Variants in GRIK1 observed in about 807,000 individuals in gnomAD.
GRIK1 encodes glutamate ionotropic receptor kainate type subunit 1, also known as glutamate receptor ionotropic, kainate 1.
Under a neutral mutation model 105.7 loss-of-function variants are expected in GRIK1, and 69 were observed. The observed-to-expected ratio is 0.65, with a 90% CI of 0.54 to 0.80. The LOEUF (loss-of-function observed/expected upper bound fraction) is 0.80, where lower values mean the gene tolerates loss of function less well. Ranked by LOEUF, GRIK1 falls within the 30% of genes least tolerant of loss-of-function variation. The pLI is 0.00. For synonymous variants in GRIK1, 438 were observed against 431.3 expected (o/e 1.02, Z -0.19); for missense variants, 1,109 against 1,167.3 (o/e 0.95, Z 0.73).
rs146988243 is a variant in GRIK1, at chr21:29,547,831, C to T, written c.2607+7221G>A. On this transcript the variant is annotated intron_variant, in intron 16 of 17. Coordinates refer to ENST00000327783, the MANE Select transcript of GRIK1 (RefSeq NM_001330994.2). ...CAAATCACTTGCTAAATAAGTTGATCCGACTCCAGAGAAATAGAACTGAAG... is the reference window on the plus strand; with the variant it reads ...CAAATCACTTGCTAAATAAGTTGATTCGACTCCAGAGAAATAGAACTGAAG... 2.3e-3 allele frequency among the ~76,000 whole-genome samples: 355 copies of T among 152,226 alleles called. 1 individual carries two copies. Among genetic ancestry groups the T allele is most frequent in the African/African-American group, 8.3e-3 (344 of 41,536 alleles).
intron 1 of GRIK1, among the ~76,000 whole-genome samples, chr21:29,893,915 C>T (rs896976972): frequency 1.7e-4 from 26 of 152,110 alleles, no homozygotes; most frequent in Non-Finnish European, 3.2e-4. Context: ...GTCAGCAAAC[C>T]CTTCAGGGAG....
chr21:29,779,729 G>A (rs367988), intron 1 of GRIK1, among the ~76,000 whole-genome samples: 5 of 152,002 alleles, frequency 3.3e-5, no homozygotes, highest in Non-Finnish European at 5.9e-5. Context: ...AGCAACATTA[G>A]CTAGGCTCCA....
intron 1 of GRIK1, among the ~76,000 whole-genome samples, chr21:29,898,940 C>T (rs1453684166): frequency 6.6e-6 from 1 of 151,622 alleles, no homozygotes; most frequent in African/African-American, 2.4e-5. Flanking sequence ...TCATTGCACT[C>T]CAGCCTGGGC....
At chr21:29,712,058 G>T in intron 1 of GRIK1, among the ~76,000 whole-genome samples, 1 of 120,812 alleles carries the variant, frequency 8.3e-6, no homozygotes, top group East Asian at 2.4e-4. Flanking sequence ...GTGTGTATAC[G>T]TATATAAGTA....
intron 7 of GRIK1, among the ~76,000 whole-genome samples, chr21:29,618,674 A>G (rs1255649780): frequency 6.6e-6 from 1 of 152,230 alleles, no homozygotes; most frequent in Non-Finnish European, 1.5e-5. Context: ...ATGGAATACT[A>G]CTCAGCCATA....
chr21:29,826,033 A>G (rs1453551339), intron 1 of GRIK1, among the ~76,000 whole-genome samples: 1 of 152,118 alleles, frequency 6.6e-6, no homozygotes, highest in Non-Finnish European at 1.5e-5. Context: ...AGGTAGTGAC[A>G]TGGGATAATG....
intron 15 of GRIK1, among the ~76,000 whole-genome samples, chr21:29,560,333 TTCTTTCTTTCTTTCTTTCTTTCTTTTTC>T (rs1190362192): frequency 2.9e-4 from 35 of 121,616 alleles, no homozygotes; most frequent in African/African-American, 1.1e-3. Flanking sequence ...CTTTCTTTCT[TTCTTTCTTTCTTTCTTTCTTTCTTTTTC>T]TTTCTTCCTT....
chr21:29,655,969 T>C (rs973444162), intron 4 of GRIK1, among the ~76,000 whole-genome samples: 1 of 152,194 alleles, frequency 6.6e-6, no homozygotes, highest in Non-Finnish European at 1.5e-5. Context: ...GAGACAATTC[T>C]TTCTAAATAT....
intron 1 of GRIK1, among the ~76,000 whole-genome samples, chr21:29,829,914 C>T (rs1052702175): frequency 4.6e-5 from 7 of 152,160 alleles, no homozygotes; most frequent in African/African-American, 1.4e-4. Flanking sequence ...AATTGGTTCT[C>T]CAGCTTCCAC....
chr21:29,597,727 A>G, intron 8 of GRIK1: 1 of 381,500 alleles, frequency 2.6e-6, no homozygotes, highest in Non-Finnish European at 5.6e-6. Context: ...GTGTACTCTC[A>G]AAACTGCAAA....
chr21:29,588,931 T>C lies in GRIK1; in HGVS notation c.1477A>G (p.Ile493Val). ...LKELSNILGFIYDVKLVPDGK... is the reference protein window; with the variant it reads ...LKELSNILGFVYDVKLVPDGK... Reference sequence around the variant, plus strand: ...TCGGGAACTAGTTTAACATCATAAATGAAACCCAGGATGTTTGACAATTCT... The same window carrying C: ...TCGGGAACTAGTTTAACATCATAAACGAAACCCAGGATGTTTGACAATTCT... The change falls in exon 11 of 18, where the codon ATT (isoleucine) becomes GTT (valine). Residue 493 changes from isoleucine to valine, a missense_variant. Ile to Val is a conservative substitution (Grantham distance 29). This residue lies in a region of GRIK1 where 54 missense variants were observed against 88.1 expected (regional missense o/e 0.61). Transcript: ENST00000327783. 1 of 1,606,838 alleles carries C rather than the reference T, an allele frequency of 6.2e-7. No homozygotes were observed. Among genetic ancestry groups the C allele is most frequent in the Non-Finnish European group, 8.5e-7 (1 of 1,173,360 alleles).
intron 1 of GRIK1, among the ~76,000 whole-genome samples, chr21:29,768,350 T>C (rs893942868): frequency 2.6e-5 from 4 of 152,158 alleles, no homozygotes; most frequent in Non-Finnish European, 4.4e-5. Flanking sequence ...GCCAAGGCTT[T>C]TGTGCGAGTC....
At chr21:29,871,961 G>T (rs113369839) in intron 1 of GRIK1, among the ~76,000 whole-genome samples, 24 of 151,232 alleles carry the variant, frequency 1.6e-4, no homozygotes, top group African/African-American at 5.1e-4. Context: ...AGTGGGTTTC[G>T]CCTTGTTGCC....
intron 1 of GRIK1, among the ~76,000 whole-genome samples, chr21:29,724,555 G>T (rs1214476101): frequency 2.0e-5 from 3 of 152,176 alleles, no homozygotes; most frequent in African/African-American, 7.2e-5. Flanking sequence ...AAGCCAAACG[G>T]ATTCTACAAC....
chr21:29,746,765 T>C (rs546797086), intron 1 of GRIK1, among the ~76,000 whole-genome samples: 1 of 152,300 alleles, frequency 6.6e-6, no homozygotes, highest in East Asian at 1.9e-4. Context: ...AACCAGAGAA[T>C]TGCCAATTGA....
chr21:29,879,930 T>G (rs555797741), intron 1 of GRIK1, among the ~76,000 whole-genome samples: 1 of 152,114 alleles, frequency 6.6e-6, no homozygotes, highest in African/African-American at 2.4e-5. Context: ...AAAGGCCTAT[T>G]AGCATTTAAC....
intron 1 of GRIK1, chr21:29,861,810 TC>T (rs1474538307): frequency 1.1e-5 from 3 of 275,462 alleles, no homozygotes; most frequent in Non-Finnish European, 2.2e-5. Context: ...CTAGAATAAG[TC>T]CATTTAATTA....
chr21:29,757,590 G>T (rs920809899), intron 1 of GRIK1, among the ~76,000 whole-genome samples: 3 of 152,114 alleles, frequency 2.0e-5, no homozygotes, highest in African/African-American at 7.2e-5. Context: ...AAGATTGTCG[G>T]CATGAGGATA....
At chr21:29,557,765 A>C (rs1750679435) in intron 15 of GRIK1, among the ~76,000 whole-genome samples, 1 of 152,198 alleles carries the variant, frequency 6.6e-6, no homozygotes, top group African/African-American at 2.4e-5. Flanking sequence ...TGGCTAGTGT[A>C]AAAATTAGCA....
Sources: allele counts gnomAD v4.1 joint callset (sites outside exome capture counted in the v4.1 genomes callset), GRCh38; gene constraint gnomAD v4.1.1; regional missense constraint gnomAD v4.1.1; transcripts MANE v1.5; gene names NCBI Gene and HGNC (gene_info 2026-07-23, HGNC 2026-07-21).